HPSE2: variants seen among roughly 807,000 people sequenced by gnomAD.
HPSE2 encodes the protein heparanase 2 (inactive), also known as inactive heparanase-2.
Under a neutral mutation model 60.5 loss-of-function variants are expected in HPSE2, and 38 were observed. That is an observed-to-expected ratio of 0.63 (90% confidence interval 0.48 to 0.82). The LOEUF is 0.82. Ranked by LOEUF, HPSE2 falls within the 40% of genes least tolerant of loss-of-function variation. The pLI is 0.00. For missense variants in HPSE2, 713 were observed against 740.4 expected (o/e 0.96, Z 0.43); for synonymous variants, 295 against 293.2 (o/e 1.01, Z -0.06).
intron 9 of HPSE2, among the ~76,000 whole-genome samples, chr10:98,600,787 T>A (rs1382437426): frequency 1.1e-5 from 1 of 88,024 alleles, no homozygotes; most frequent in Non-Finnish European, 2.7e-5. Flanking sequence ...TACATAAACA[T>A]GTATGTATAT....
intron 2 of HPSE2, among the ~76,000 whole-genome samples, chr10:99,162,465 C>A (rs1846883081): frequency 6.6e-6 from 1 of 152,196 alleles, no homozygotes; most frequent in Admixed American, 6.5e-5. Context: ...GCTTCCCTCA[C>A]ACACAGGGAC....
intron 3 of HPSE2, among the ~76,000 whole-genome samples, chr10:99,022,914 C>T (rs1003301837): frequency 2.0e-5 from 3 of 152,136 alleles, no homozygotes; most frequent in Admixed American, 2.0e-4. Flanking sequence ...AGATGTACCA[C>T]ATTACCACCT....
At chr10:99,287,520 G>T in the HPSE2 span, among the ~76,000 whole-genome samples, 1 of 152,220 alleles carries the variant, frequency 6.6e-6, no homozygotes, top group South Asian at 2.1e-4. Flanking sequence ...AGGGGTGTGT[G>T]GCTTGGAGTG....
At chr10:98,829,846 AT>A (rs1286870390) in intron 3 of HPSE2, among the ~76,000 whole-genome samples, 2 of 152,098 alleles carry the variant, frequency 1.3e-5, no homozygotes, top group Non-Finnish European at 2.9e-5. Context: ...TTTTATTTTT[AT>A]TTATTTTCTT....
intron 9 of HPSE2, among the ~76,000 whole-genome samples, chr10:98,521,915 T>C (rs889048513): frequency 5.9e-5 from 9 of 151,846 alleles, no homozygotes; most frequent in Non-Finnish European, 1.0e-4. Context: ...TTCTCACTCA[T>C]AGGTGGGAAT....
chr10:99,009,076 G>C (rs1417999409), intron 3 of HPSE2, among the ~76,000 whole-genome samples: 1 of 151,826 alleles, frequency 6.6e-6, no homozygotes, highest in African/African-American at 2.4e-5. Context: ...TAGTTTTTCA[G>C]TGCAAAAGCT....
intron 9 of HPSE2, among the ~76,000 whole-genome samples, chr10:98,497,148 C>T (rs531911877): frequency 6.6e-6 from 1 of 152,166 alleles, no homozygotes; most frequent in African/African-American, 2.4e-5. Context: ...GTAAGCCCAT[C>T]CTTATCACAT....
At chr10:98,543,329 T>C (rs1282612866) in intron 9 of HPSE2, among the ~76,000 whole-genome samples, 3 of 151,804 alleles carry the variant, frequency 2.0e-5, no homozygotes, top group Non-Finnish European at 4.4e-5. Context: ...CCGAAGGAAG[T>C]GCTAAACATG....
intron 2 of HPSE2, among the ~76,000 whole-genome samples, chr10:99,166,843 T>C (rs1847098808): frequency 6.7e-6 from 1 of 149,670 alleles, no homozygotes; most frequent in African/African-American, 2.5e-5. Context: ...TGAGACTCCA[T>C]CTCAAAGAAA....
At chr10:98,918,760 C>T (rs1276956679) in intron 3 of HPSE2, among the ~76,000 whole-genome samples, 1 of 149,236 alleles carries the variant, frequency 6.7e-6, no homozygotes, top group African/African-American at 2.5e-5. Context: ...AGCACACCAG[C>T]ATGGCACATG....
At chr10:99,107,677 A>G (rs1408040580) in intron 3 of HPSE2, among the ~76,000 whole-genome samples, 1 of 152,312 alleles carries the variant, frequency 6.6e-6, no homozygotes, top group East Asian at 1.9e-4. Context: ...ACCTATATAC[A>G]CATTTAATTT....
intron 5 of HPSE2, among the ~76,000 whole-genome samples, chr10:98,716,442 A>AAT (rs1948792313): frequency 1.1e-4 from 17 of 148,006 alleles, no homozygotes; most frequent in Non-Finnish European, 2.4e-4. Flanking sequence ...ATAATAATAA[A>AAT]AAATAAATAA....
intron 6 of HPSE2, among the ~76,000 whole-genome samples, chr10:98,679,028 C>G (rs1010870588): frequency 1.3e-5 from 2 of 152,074 alleles, no homozygotes; most frequent in African/African-American, 4.8e-5. Flanking sequence ...TATTAGAAAA[C>G]AGAAGGAAGA....
the HPSE2 span, among the ~76,000 whole-genome samples, chr10:99,272,985 C>A: frequency 1.6e-3 from 243 of 152,218 alleles, 1 homozygote; most frequent in African/African-American, 5.3e-3. Context: ...TATAGCAGCA[C>A]AATTCAAAAT....
intron 9 of HPSE2, among the ~76,000 whole-genome samples, chr10:98,548,938 T>C (rs1451052609): frequency 6.6e-6 from 1 of 152,178 alleles, no homozygotes; most frequent in African/African-American, 2.4e-5. Flanking sequence ...CAGATTCCCA[T>C]ATCATCCCTG....
intron 3 of HPSE2, among the ~76,000 whole-genome samples, chr10:98,936,337 A>G (rs1481558372): frequency 7.0e-6 from 1 of 143,666 alleles, no homozygotes; most frequent in Admixed American, 6.9e-5. Context: ...CTAGAGTTCC[A>G]AGTGCCACTG....
chr10:99,149,614 C>T (rs972972251), intron 2 of HPSE2, among the ~76,000 whole-genome samples: 6 of 152,078 alleles, frequency 3.9e-5, no homozygotes, highest in African/African-American at 1.4e-4. Flanking sequence ...CAACAAGTGC[C>T]AGATGTTTCA....
At chr10:98,738,462 C>T (rs1204188898) in intron 4 of HPSE2, among the ~76,000 whole-genome samples, 1 of 152,076 alleles carries the variant, frequency 6.6e-6, no homozygotes, top group Non-Finnish European at 1.5e-5. Context: ...CAACAAAAGC[C>T]AAAATTGACA....
intron 11 of HPSE2, among the ~76,000 whole-genome samples, chr10:98,462,281 T>G (rs1940326580): frequency 6.6e-6 from 1 of 152,140 alleles, no homozygotes; most frequent in African/African-American, 2.4e-5. Context: ...TGGGTTCAAA[T>G]GATTCTCCTG....
Sources: gnomAD v4.1 joint callset for allele counts (sites outside exome capture counted in the v4.1 genomes callset) on GRCh38, gnomAD v4.1.1 for gene constraint, MANE v1.5 for transcripts, NCBI Gene and HGNC (gene_info 2026-07-23, HGNC 2026-07-21) for gene names.